Variants in LPP observed in about 807,000 individuals in gnomAD.
The protein encoded by LPP is lipoma-preferred partner.
LPP carries 38 observed loss-of-function variants against 60.4 expected under a neutral mutation model. That is an observed-to-expected ratio of 0.63 (90% CI 0.49 to 0.83). The LOEUF is 0.83. Ranked by LOEUF, LPP falls within the 40% of genes least tolerant of loss-of-function variation. The pLI is 0.00. For synonymous variants in LPP, 328 were observed against 290.8 expected, an observed-to-expected ratio of 1.13 and a Z score of -1.30; for missense variants, 902 against 783.6, an observed-to-expected ratio of 1.15 and a Z score of -1.80.
chr3:188,860,662 A>G (rs963662449), intron 9 of LPP, among the ~76,000 whole-genome samples: 3 of 152,174 alleles, frequency 2.0e-5, no homozygotes, highest in African/African-American at 4.8e-5. Flanking sequence ...CTTATTTTAT[A>G]TAAAGTACTT....
chr3:188,280,526 G>A (rs1029967960), intron 2 of LPP, among the ~76,000 whole-genome samples: 1 of 152,078 alleles, frequency 6.6e-6, no homozygotes, highest in Admixed American at 6.6e-5. Flanking sequence ...GTGAGGAGAC[G>A]AGGAAATAGG....
intron 2 of LPP, among the ~76,000 whole-genome samples, chr3:188,336,515 G>A (rs1437160415): frequency 6.6e-6 from 1 of 152,182 alleles, no homozygotes; most frequent in African/African-American, 2.4e-5. Context: ...CAGGGGATGA[G>A]GCACCATGTA....
At chr3:188,482,871 G>A (rs138809653) in intron 4 of LPP, among the ~76,000 whole-genome samples, 95 of 152,240 alleles carry the variant, frequency 6.2e-4, no homozygotes, top group African/African-American at 2.1e-3. Context: ...TTATTAAAGT[G>A]TGCTGTCAGA....
At chr3:188,769,009 G>T (rs1735014583) in intron 9 of LPP, among the ~76,000 whole-genome samples, 1 of 151,916 alleles carries the variant, frequency 6.6e-6, no homozygotes, top group Admixed American at 6.6e-5. Context: ...TTAAATATTG[G>T]AATAATGAAA....
intron 9 of LPP, among the ~76,000 whole-genome samples, chr3:188,771,549 CAAAA>C (rs66712771): frequency 1.8e-5 from 2 of 108,946 alleles, no homozygotes; most frequent in African/African-American, 3.9e-5. Flanking sequence ...GACTCCATCT[CAAAA>C]AAAAAAAAAA....
Position 188,259,247 on chromosome 3 carries a change from T to C in LPP, c.-67+33720T>C, listed in dbSNP as rs143072339. ...GAGATAATCACCGTGGCTCCCAGAG[T>C]GCATCCAGAGACATTTGCCTTGCTT... On this transcript the variant is annotated intron_variant, in intron 2 of 11. Transcript: ENST00000617246. Among the ~76,000 whole-genome samples, 87 of 152,292 alleles carry C rather than the reference T, an allele frequency of 5.7e-4. No individual in the cohort carries two copies. The Middle Eastern group carries it at 0.02, about 36-fold the overall frequency.
At chr3:188,366,337 G>A (rs1771163152) in intron 3 of LPP, among the ~76,000 whole-genome samples, 1 of 152,206 alleles carries the variant, frequency 6.6e-6, no homozygotes, top group Admixed American at 6.5e-5. Flanking sequence ...TAACGCAGCA[G>A]TGAACATGGG....
chr3:188,185,591 C>G (rs1726364939), intron 1 of LPP, among the ~76,000 whole-genome samples: 1 of 152,072 alleles, frequency 6.6e-6, no homozygotes, highest in South Asian at 2.1e-4. Context: ...CTCTTTTCCC[C>G]TACATACCCT....
At chr3:188,551,671 T>C (rs1450868022) in intron 6 of LPP, among the ~76,000 whole-genome samples, 2 of 152,132 alleles carry the variant, frequency 1.3e-5, no homozygotes, top group Non-Finnish European at 2.9e-5. Context: ...AGAATGGAGA[T>C]GTACAGTTTG....
intron 3 of LPP, among the ~76,000 whole-genome samples, chr3:188,355,397 G>A (rs1237826428): frequency 6.6e-6 from 1 of 152,106 alleles, no homozygotes; most frequent in Admixed American, 6.6e-5. Context: ...ATCACTTACT[G>A]GGACTTTTCA....
intron 5 of LPP, among the ~76,000 whole-genome samples, chr3:188,523,836 T>G (rs535387565): frequency 1.3e-5 from 2 of 152,328 alleles, no homozygotes; most frequent in South Asian, 4.1e-4. Context: ...TATTAAATTG[T>G]CACTTTAAAA....
chr3:188,386,459 T>A (rs1014324560), intron 3 of LPP, among the ~76,000 whole-genome samples: 10 of 152,198 alleles, frequency 6.6e-5, no homozygotes, highest in Non-Finnish European at 1.3e-4. Context: ...GAGCTCCCAA[T>A]GTTATCTTTA....
At chr3:188,866,653 A>G (rs1766686644) in intron 10 of LPP, among the ~76,000 whole-genome samples, 1 of 152,320 alleles carries the variant, frequency 6.6e-6, no homozygotes, top group Admixed American at 6.5e-5. Context: ...TGGCTCAGCT[A>G]TAGTGTGTAT....
chr3:188,381,372 C>A (rs1776836676), intron 3 of LPP, among the ~76,000 whole-genome samples: 2 of 152,166 alleles, frequency 1.3e-5, no homozygotes, highest in African/African-American at 4.8e-5. Flanking sequence ...TCTTCAGCAA[C>A]CATTACTGAG....
intron 7 of LPP, among the ~76,000 whole-genome samples, chr3:188,691,684 C>T (rs932869328): frequency 6.6e-6 from 1 of 152,174 alleles, no homozygotes; most frequent in Non-Finnish European, 1.5e-5. Flanking sequence ...CTAAATAGCA[C>T]CCAGAAAGTT....
rs57578460 is a variant in LPP, at chr3:188,495,083, T to TATATATATATATATATA, written c.306+10379_306+10380insATATATATATATATATA. Among the ~76,000 whole-genome samples, 289 of 77,660 alleles carry TATATATATATATATATA rather than the reference T, an allele frequency of 3.7e-3. 4 individuals are homozygous for TATATATATATATATATA. Among genetic ancestry groups the TATATATATATATATATA allele is most frequent in the African/African-American group, 0.017 (199 of 11,622 alleles). 50.9% of individuals were successfully genotyped at this position (77,660 alleles called of 152,430 possible). A position where few individuals can be genotyped will look rare whatever the true frequency, so the allele number is the denominator to read the frequency against. ...AGGATTTTATATATATATATATATA[T>TATATATATATATATATA]TTTATTTATATTTTATTATATATTT... On this transcript the variant is annotated intron_variant, in intron 5 of 11. Coordinates refer to ENST00000617246, the MANE Select transcript of LPP (RefSeq NM_001375462.1).
intron 8 of LPP, among the ~76,000 whole-genome samples, chr3:188,738,311 C>T (rs1300132180): frequency 6.6e-6 from 1 of 152,074 alleles, no homozygotes; most frequent in Non-Finnish European, 1.5e-5. Flanking sequence ...ATCCAAAGCT[C>T]TTCATATGTG....
chr3:188,405,974 C>T, intron 3 of LPP, 138 bp from the exon 4 acceptor site: 1 of 648,562 alleles, frequency 1.5e-6, no homozygotes, highest in Non-Finnish European at 2.6e-6. Flanking sequence ...TTTCTTTCTT[C>T]CATTTTCTTT....
intron 9 of LPP, among the ~76,000 whole-genome samples, chr3:188,820,062 G>A (rs1318126771): frequency 1.3e-5 from 2 of 152,154 alleles, no homozygotes; most frequent in East Asian, 3.9e-4. Context: ...CAAGACTCTG[G>A]ACTTATTTTC....
Sources: gnomAD v4.1 joint callset for allele counts (sites outside exome capture counted in the v4.1 genomes callset) on GRCh38, gnomAD v4.1.1 for gene constraint, MANE v1.5 for transcripts, NCBI Gene and HGNC (gene_info 2026-07-23, HGNC 2026-07-21) for gene names.